The following MAPRE2 variants were observed in gnomAD, a reference collection of about 807,000 sequenced individuals.
The protein encoded by MAPRE2 is microtubule associated protein RP/EB family member 2, also known as microtubule-associated protein RP/EB family member 2.
In MAPRE2, 13 loss-of-function variants were observed where a neutral mutation model predicts 43.2. That is an observed-to-expected ratio of 0.30 (90% CI 0.20 to 0.48). The LOEUF (loss-of-function observed/expected upper bound fraction) is 0.48, where lower values mean the gene tolerates loss of function less well. Ranked by LOEUF, MAPRE2 falls within the 20% of genes least tolerant of loss-of-function variation. MAPRE2 has a pLI of 0.99. For synonymous variants in MAPRE2, 135 were observed against 148.8 expected (o/e 0.91, Z 0.68); for missense variants, 161 against 400.2 (o/e 0.40, Z 5.10).
At chr18:35,052,886 T>TA (rs1282418416) in intron 1 of MAPRE2, among the ~76,000 whole-genome samples, 2 of 152,156 alleles carry the variant, frequency 1.3e-5, no homozygotes, top group Admixed American at 6.5e-5. Flanking sequence ...TTTTTCCATT[T>TA]AAAAAAATAG....
At chr18:35,063,143 G>T (rs138482003) in intron 1 of MAPRE2, among the ~76,000 whole-genome samples, 14,437 of 151,728 alleles carry the variant, frequency 0.095, 1,037 homozygotes, top group East Asian at 0.24. Flanking sequence ...TCACTCTGTC[G>T]CCCAGGCCGG....
chr18:34,985,667 TAATA>T (rs1197266664), intron 1 of MAPRE2, among the ~76,000 whole-genome samples: 8 of 104,828 alleles, frequency 7.6e-5, no homozygotes, highest in Admixed American at 6.9e-4. Context: ...TATATTATAA[TAATA>T]TATAAATATA....
intron 2 of MAPRE2, among the ~76,000 whole-genome samples, chr18:35,079,005 C>T (rs1198370965): frequency 1.3e-5 from 2 of 152,274 alleles, no homozygotes; most frequent in East Asian, 1.9e-4. Context: ...TCCCTCCAAG[C>T]AAGATGAGGT....
At chr18:35,043,823 T>G (rs1303741916) in intron 1 of MAPRE2, among the ~76,000 whole-genome samples, 1 of 152,224 alleles carries the variant, frequency 6.6e-6, no homozygotes, top group Non-Finnish European at 1.5e-5. Context: ...TTTTTCTTCT[T>G]CTGTTTTTCT....
intron 1 of MAPRE2, among the ~76,000 whole-genome samples, chr18:35,000,993 G>A (rs1455442060): frequency 6.6e-6 from 1 of 152,130 alleles, no homozygotes; most frequent in African/African-American, 2.4e-5. Flanking sequence ...GATCAATCCG[G>A]AGGCAGGTGG....
intron 1 of MAPRE2, among the ~76,000 whole-genome samples, chr18:35,057,316 T>C (rs539907242): frequency 6.6e-6 from 1 of 152,268 alleles, no homozygotes; most frequent in South Asian, 2.1e-4. Flanking sequence ...TGCCCTCTGT[T>C]ATTTCTATAC....
chr18:35,070,985 C>T (rs887287159), intron 2 of MAPRE2, among the ~76,000 whole-genome samples: 1 of 152,100 alleles, frequency 6.6e-6, no homozygotes, highest in Non-Finnish European at 1.5e-5. Context: ...GTTCCTGAAA[C>T]ACTGTGCTCA....
chr18:35,053,262 C>T (rs1012631547), intron 1 of MAPRE2, among the ~76,000 whole-genome samples: 2 of 152,042 alleles, frequency 1.3e-5, no homozygotes, highest in Non-Finnish European at 2.9e-5. Context: ...GGAGTGGTGG[C>T]ACTTGCCTGT....
chr18:35,058,646 G>A (rs1906364088), intron 1 of MAPRE2, among the ~76,000 whole-genome samples: 1 of 152,142 alleles, frequency 6.6e-6, no homozygotes, highest in Non-Finnish European at 1.5e-5. Context: ...TGGCAGATTT[G>A]CCAGCCAAAA....
chr18:35,044,820 C>T (rs1239341792), intron 1 of MAPRE2, among the ~76,000 whole-genome samples: 4 of 152,114 alleles, frequency 2.6e-5, no homozygotes, highest in African/African-American at 9.7e-5. Context: ...GAGAAGGAGA[C>T]ATTACTGTTA....
intron 2 of MAPRE2, among the ~76,000 whole-genome samples, chr18:35,096,594 T>G (rs958745587): frequency 3.4e-5 from 5 of 146,574 alleles, no homozygotes; most frequent in Non-Finnish European, 4.5e-5. Flanking sequence ...AACATGACTC[T>G]GAACTTCTAT....
Position 35,031,690 on chromosome 18 carries a change from T to C in MAPRE2, c.-8+26137T>C, listed in dbSNP as rs192403026. ...TCTTGTCTCATGCAATGGCATGTTC[T>C]GTGTTTTCACATCATGGACACCTTG... On this transcript the variant is annotated intron_variant, in intron 2 of 7. Transcript: ENST00000413393. Among the ~76,000 whole-genome samples, 200 of 152,354 alleles carry C rather than the reference T, an allele frequency of 1.3e-3. 2 individuals are homozygous for C. The highest frequency in any genetic ancestry group is 6.2e-3 in the Admixed American group (95 of 15,300).
At position 34,981,864 on chromosome 18, in the gene MAPRE2, ATTTTT is replaced by A. The variant is rs1432961000; in HGVS notation, c.-70+4793_-70+4797del. Among the ~76,000 whole-genome samples, 19 of 74,126 alleles carry A rather than the reference ATTTTT, an allele frequency of 2.6e-4. No homozygotes were observed. In the South Asian group the frequency reaches 3.4e-3, roughly 13 times the overall value. The allele number at this position is 74,126 out of a possible 152,430, so 48.6% of individuals were successfully genotyped here. On this transcript the variant is annotated intron_variant, in intron 1 of 7. Coordinates refer to the MAPRE2 transcript ENST00000413393. ...CATCATTGTCTCAGCGACTTTATTT[ATTTTT>A]TTTTTTTATTTTTATTTATTTTTTT...
At chr18:35,093,056 A>G (rs1908228771) in intron 2 of MAPRE2, among the ~76,000 whole-genome samples, 1 of 151,946 alleles carries the variant, frequency 6.6e-6, no homozygotes, top group African/African-American at 2.4e-5. Context: ...TTCTACAAAT[A>G]CAAAAATTAC....
intron 1 of MAPRE2, among the ~76,000 whole-genome samples, chr18:35,054,831 T>A: frequency 6.6e-6 from 1 of 152,188 alleles, no homozygotes; most frequent in East Asian, 1.9e-4. Flanking sequence ...CATGAAGACA[T>A]TGGAAAATCT....
intron 1 of MAPRE2, among the ~76,000 whole-genome samples, chr18:35,001,963 G>A (rs1297180884): frequency 6.6e-6 from 1 of 152,096 alleles, no homozygotes; most frequent in Non-Finnish European, 1.5e-5. Context: ...TGCCATGGTA[G>A]CATCTTGCAA....
intron 2 of MAPRE2, among the ~76,000 whole-genome samples, chr18:35,014,865 C>G (rs2097037165): frequency 1.3e-5 from 2 of 152,092 alleles, no homozygotes; most frequent in Admixed American, 1.3e-4. Context: ...GCACCTTTAC[C>G]ACGTTGTAAA....
intron 4 of MAPRE2, among the ~76,000 whole-genome samples, chr18:35,123,510 A>AC (rs992969429): frequency 6.6e-6 from 1 of 152,182 alleles, no homozygotes; most frequent in Admixed American, 6.5e-5. Flanking sequence ...ACAGGCTTGG[A>AC]CAGCCCAGCA....
intron 2 of MAPRE2, among the ~76,000 whole-genome samples, chr18:35,084,768 A>G (rs984379985): frequency 2.6e-5 from 4 of 152,218 alleles, no homozygotes; most frequent in African/African-American, 9.7e-5. Flanking sequence ...TTACAATAGG[A>G]ATAAAAAGCT....
Sources: gnomAD v4.1 joint callset for allele counts (sites outside exome capture counted in the v4.1 genomes callset) on GRCh38, gnomAD v4.1.1 for gene constraint, MANE v1.5 for transcripts, NCBI Gene and HGNC (gene_info 2026-07-23, HGNC 2026-07-21) for gene names.